SLC30A9: variants seen among roughly 807,000 people sequenced by gnomAD.
SLC30A9 encodes proton-coupled zinc antiporter SLC30A9, mitochondrial.
SLC30A9 carries 58 observed loss-of-function variants against 87.5 expected under a neutral mutation model. The observed-to-expected ratio is 0.66, with a 90% CI of 0.54 to 0.82. The LOEUF (loss-of-function observed/expected upper bound fraction) is 0.82. Among genes scored for constraint, SLC30A9 ranks in the 40% least tolerant of loss-of-function variants. SLC30A9 has a pLI of 0.00. For synonymous variants in SLC30A9, 234 were observed against 233.0 expected (o/e 1.00, Z -0.04); for missense variants, 557 against 679.1 (o/e 0.82, Z 2.00).
intron 7 of SLC30A9, among the ~76,000 whole-genome samples, chr4:42,037,697 A>T (rs1390505477): frequency 6.6e-6 from 1 of 152,204 alleles, no homozygotes; most frequent in Admixed American, 6.5e-5. Flanking sequence ...GATATTGGCT[A>T]TCCAGTTTCA....
At chr4:41,993,142 C>T (rs2581431) in intron 1 of SLC30A9, among the ~76,000 whole-genome samples, 103,247 of 150,412 alleles carry the variant, frequency 0.69, 39,358 homozygotes, top group East Asian at 0.96. Context: ...TTTAATATAT[C>T]CTAGAATTAA....
intron 1 of SLC30A9, among the ~76,000 whole-genome samples, chr4:41,993,905 C>G (rs1489480252): frequency 6.6e-6 from 1 of 151,948 alleles, no homozygotes; most frequent in African/African-American, 2.4e-5. Flanking sequence ...GTCTGTAATC[C>G]CAACACTTTG....
chr4:42,016,391 A>G (rs1577686211), intron 2 of SLC30A9, among the ~76,000 whole-genome samples: 1 of 152,300 alleles, frequency 6.6e-6, no homozygotes, highest in East Asian at 1.9e-4. Flanking sequence ...TCAAGCTAAG[A>G]ACTTCACTGT....
chr4:42,035,011 A>G (rs890384318), intron 6 of SLC30A9, among the ~76,000 whole-genome samples: 4 of 152,172 alleles, frequency 2.6e-5, no homozygotes, highest in Non-Finnish European at 4.4e-5. Flanking sequence ...TGTGGTTTTC[A>G]TATGTATTTC....
intron 2 of SLC30A9, among the ~76,000 whole-genome samples, chr4:42,016,446 GA>G (rs899513919): frequency 2.0e-5 from 3 of 151,496 alleles, no homozygotes; most frequent in Admixed American, 6.6e-5. Context: ...GTATCCATGT[GA>G]AAAAAAAGAG....
At chr4:42,011,598 G>A (rs996897380) in intron 2 of SLC30A9, among the ~76,000 whole-genome samples, 3 of 152,100 alleles carry the variant, frequency 2.0e-5, no homozygotes, top group African/African-American at 7.2e-5. Context: ...CCCTATTCAG[G>A]GTAAGATGGT....
At chr4:42,078,557 A>G (rs904660041) in intron 17 of SLC30A9, 10 of 288,440 alleles carry the variant, frequency 3.5e-5, no homozygotes, top group Non-Finnish European at 5.8e-5. Context: ...TTTAAACACT[A>G]TTTTATGCAG....
chr4:42,001,322 CA>C (rs1161423345), intron 1 of SLC30A9, among the ~76,000 whole-genome samples: 1 of 152,004 alleles, frequency 6.6e-6, no homozygotes, highest in Admixed American at 6.5e-5. Flanking sequence ...ATTATGCCAA[CA>C]TTTTTTTAGC....
intron 9 of SLC30A9, among the ~76,000 whole-genome samples, chr4:42,053,870 T>C (rs1447316886): frequency 6.6e-6 from 1 of 152,164 alleles, no homozygotes; most frequent in Admixed American, 6.5e-5. Context: ...AGTACTTTTC[T>C]GACTGGCAAC....
At chr4:42,013,997 A>G (rs941784132) in intron 2 of SLC30A9, among the ~76,000 whole-genome samples, 2 of 152,230 alleles carry the variant, frequency 1.3e-5, no homozygotes, top group Non-Finnish European at 2.9e-5. Flanking sequence ...TATTGATCTC[A>G]CCAGAATATA....
intron 1 of SLC30A9, among the ~76,000 whole-genome samples, chr4:41,991,634 C>T (rs960944824): frequency 6.6e-6 from 1 of 152,106 alleles, no homozygotes; most frequent in East Asian, 1.9e-4. Flanking sequence ...CATTCATGTT[C>T]GAAGCCAGGT....
chr4:42,027,072 G>A (rs547579704), intron 6 of SLC30A9, among the ~76,000 whole-genome samples: 4 of 152,176 alleles, frequency 2.6e-5, no homozygotes, highest in African/African-American at 7.2e-5. Flanking sequence ...CCGGTGTTAC[G>A]GCATCTGTCT....
At chr4:42,072,964 C>T (rs1560560131) in intron 15 of SLC30A9, among the ~76,000 whole-genome samples, 1 of 152,140 alleles carries the variant, frequency 6.6e-6, no homozygotes. Flanking sequence ...CAGGTGCTCA[C>T]CACCATGACC....
At chr4:41,994,367 AG>A (rs1199787622) in intron 1 of SLC30A9, among the ~76,000 whole-genome samples, 1 of 152,004 alleles carries the variant, frequency 6.6e-6, no homozygotes, top group African/African-American at 2.4e-5. Flanking sequence ...TTCTGTAGTA[AG>A]TATATCCTTT....
chr4:42,001,152 T>C (rs748637754), intron 1 of SLC30A9, among the ~76,000 whole-genome samples: 1 of 152,080 alleles, frequency 6.6e-6, no homozygotes, highest in Non-Finnish European at 1.5e-5. Context: ...ATTATCTGAT[T>C]AAAAAATCGG....
intron 1 of SLC30A9, among the ~76,000 whole-genome samples, chr4:41,994,962 A>G (rs1182506351): frequency 1.3e-5 from 2 of 152,152 alleles, no homozygotes; most frequent in African/African-American, 2.4e-5. Flanking sequence ...TGACAGTTAT[A>G]AAAGACCATT....
chr4:42,087,772 G>A lies in SLC30A9; in HGVS notation c.*1646G>A, dbSNP rs2153141992. 1 of 150,652 alleles carries A rather than the reference G, an allele frequency of 6.6e-6. No homozygotes were observed. The highest frequency in any genetic ancestry group is 1.5e-5 in the Non-Finnish European group (1 of 67,696). The allele number at this position is 150,652 out of a possible 1,614,324, so 9.3% of individuals were successfully genotyped here. A position where few individuals can be genotyped will look rare whatever the true frequency, so the allele number is the denominator to read the frequency against. ...TACAAAAAAAACTTTTTTTTTACCT[G>A]TTATGATTTATTCTATACTTTTTTC... On this transcript the variant is annotated 3_prime_UTR_variant, in exon 18 of 18. Coordinates refer to ENST00000264451, the MANE Select transcript of SLC30A9 (RefSeq NM_006345.4).
At chr4:42,013,690 A>G (rs1328692819) in intron 2 of SLC30A9, among the ~76,000 whole-genome samples, 1 of 152,250 alleles carries the variant, frequency 6.6e-6, no homozygotes, top group Non-Finnish European at 1.5e-5. Context: ...CTGGATATCC[A>G]TATGCAGAAG....
chr4:41,996,105 G>GT lies in SLC30A9; in HGVS notation c.109+5353dup, dbSNP rs1044731217. ...AATTTGAGTTTTTTTATTTTTTGTGGTTTTTTTTGAGATGGAGTTTTGCTC... is the reference window on the plus strand; with the variant it reads ...AATTTGAGTTTTTTTATTTTTTGTGGTTTTTTTTTGAGATGGAGTTTTGCTC... On this transcript the variant is annotated intron_variant, in intron 1 of 17. Transcript: ENST00000264451. Among the ~76,000 whole-genome samples the GT allele has an allele frequency of 1.6e-4, 25 of 151,710 alleles. 1 individual carries two copies. Among genetic ancestry groups the GT allele is most frequent in the African/African-American group, 4.6e-4 (19 of 41,392 alleles).
Sources: gnomAD v4.1 joint callset for allele counts (sites outside exome capture counted in the v4.1 genomes callset) on GRCh38, gnomAD v4.1.1 for gene constraint, MANE v1.5 for transcripts, NCBI Gene and HGNC (gene_info 2026-07-23, HGNC 2026-07-21) for gene names.